Variants in TAAR5 observed in about 807,000 individuals in gnomAD.
The protein encoded by TAAR5 is trace amine-associated receptor 5.
In TAAR5, 27 loss-of-function variants were observed where a neutral mutation model predicts 21.1. That is an observed-to-expected ratio of 1.28 (90% CI 0.94 to 1.76). The LOEUF (loss-of-function observed/expected upper bound fraction) is 1.76. Among genes scored for constraint, TAAR5 ranks in the 40% most tolerant of loss-of-function variants. The pLI is 0.00. For synonymous variants in TAAR5, 203 were observed against 167.5 expected (o/e 1.21, Z -1.64); for missense variants, 495 against 405.6 (o/e 1.22, Z -1.89).
the TAAR5 span, among the ~76,000 whole-genome samples, chr6:132,607,867 C>G: frequency 6.6e-6 from 1 of 152,130 alleles, no homozygotes. Flanking sequence ...TTCCTGAATT[C>G]CTAGAATGGT....
At chr6:132,596,092 A>T in the TAAR5 span, among the ~76,000 whole-genome samples, 1 of 152,208 alleles carries the variant, frequency 6.6e-6, no homozygotes, top group Non-Finnish European at 1.5e-5. Context: ...ATAATCAAAA[A>T]TATAAAGGAA....
chr6:132,600,180 T>C, the TAAR5 span, among the ~76,000 whole-genome samples: 1 of 152,152 alleles, frequency 6.6e-6, no homozygotes, highest in Non-Finnish European at 1.5e-5. Context: ...CCTCGAGAGT[T>C]TGGAAAAAGT....
chr6:132,599,544 G>C, the TAAR5 span, among the ~76,000 whole-genome samples: 1 of 151,886 alleles, frequency 6.6e-6, no homozygotes, highest in African/African-American at 2.4e-5. Flanking sequence ...GGCCAGGCTG[G>C]TCTCGAACTC....
the TAAR5 span, among the ~76,000 whole-genome samples, chr6:132,606,291 A>C: frequency 6.6e-6 from 1 of 152,216 alleles, no homozygotes; most frequent in Non-Finnish European, 1.5e-5. Flanking sequence ...AAATTAAATA[A>C]ATAAATAAGT....
chr6:132,613,336 T>A, the TAAR5 span, among the ~76,000 whole-genome samples: 1 of 152,250 alleles, frequency 6.6e-6, no homozygotes, highest in Non-Finnish European at 1.5e-5. Flanking sequence ...AAAGTTGACA[T>A]GCAGATCTTT....
At chr6:132,595,445 TC>T in the TAAR5 span, 2 of 152,164 alleles carry the variant, frequency 1.3e-5, no homozygotes, top group Admixed American at 1.3e-4. Context: ...ATCATCTTTG[TC>T]TCATGGGTAC....
chr6:132,602,597 G>A, the TAAR5 span, among the ~76,000 whole-genome samples: 1 of 152,082 alleles, frequency 6.6e-6, no homozygotes, highest in East Asian at 1.9e-4. Context: ...ATCTCCTGCT[G>A]TGTAGCTCAG....
the TAAR5 span, among the ~76,000 whole-genome samples, chr6:132,600,819 G>GGGAGGGAAGGAAGGAA: frequency 0.012 from 909 of 75,230 alleles, 42 homozygotes; most frequent in African/African-American, 0.025. Context: ...GAAGGAAGGA[G>GGGAGGGAAGGAAGGAA]GGAGGGAAGG....
upstream of TAAR5, among the ~76,000 whole-genome samples, chr6:132,592,118 T>A (rs1482910652): frequency 6.6e-6 from 1 of 152,238 alleles, no homozygotes. Flanking sequence ...TACTAAGGTT[T>A]CCTGCTTACC....
At chr6:132,598,609 G>A in the TAAR5 span, among the ~76,000 whole-genome samples, 1 of 152,186 alleles carries the variant, frequency 6.6e-6, no homozygotes, top group East Asian at 1.9e-4. Flanking sequence ...AGGCTGTGCT[G>A]CTGCCAGTAT....
the TAAR5 span, among the ~76,000 whole-genome samples, chr6:132,610,856 A>T: frequency 0.073 from 11,081 of 152,002 alleles, 734 homozygotes; most frequent in African/African-American, 0.17. Flanking sequence ...GGAGGTGTGC[A>T]GGGCTAGATG....
chr6:132,604,687 C>T, the TAAR5 span, among the ~76,000 whole-genome samples: 4 of 152,006 alleles, frequency 2.6e-5, no homozygotes, highest in Non-Finnish European at 4.4e-5. Flanking sequence ...TTGATGTCTT[C>T]GGGAAGAATT....
chr6:132,606,568 T>C, the TAAR5 span, among the ~76,000 whole-genome samples: 1 of 152,174 alleles, frequency 6.6e-6, no homozygotes, highest in Non-Finnish European at 1.5e-5. Context: ...GACTGGATTA[T>C]CCTTTGGTAA....
the TAAR5 span, among the ~76,000 whole-genome samples, chr6:132,615,208 T>G: frequency 6.6e-6 from 1 of 152,178 alleles, no homozygotes; most frequent in South Asian, 2.1e-4. Context: ...ATTTTATATC[T>G]GATTTCATGG....
upstream of TAAR5, among the ~76,000 whole-genome samples, chr6:132,590,210 C>T (rs554081247): frequency 6.6e-6 from 1 of 152,322 alleles, no homozygotes; most frequent in East Asian, 1.9e-4. Context: ...TTAAGAATTA[C>T]ATACATTGAC....
At chr6:132,611,216 G>GA in the TAAR5 span, among the ~76,000 whole-genome samples, 23,404 of 142,840 alleles carry the variant, frequency 0.16, 2,339 homozygotes, top group Middle Eastern at 0.31. Context: ...CTAAAAAAAA[G>GA]AAAAAAAAAA....
chr6:132,597,837 G>A, the TAAR5 span, among the ~76,000 whole-genome samples: 1 of 152,052 alleles, frequency 6.6e-6, no homozygotes, highest in South Asian at 2.1e-4. Flanking sequence ...GTTCTTTAAG[G>A]GAGAAGACGA....
chr6:132,613,504 A>G, the TAAR5 span, among the ~76,000 whole-genome samples: 1 of 152,264 alleles, frequency 6.6e-6, no homozygotes, highest in East Asian at 1.9e-4. Flanking sequence ...AAAGTTACAA[A>G]TGTTCAAATA....
the TAAR5 span, among the ~76,000 whole-genome samples, chr6:132,599,840 T>C: frequency 6.6e-6 from 1 of 152,320 alleles, no homozygotes; most frequent in South Asian, 2.1e-4. Context: ...AATAGTATAT[T>C]TTTATAAATT....
Sources: gnomAD v4.1 joint callset for allele counts (sites outside exome capture counted in the v4.1 genomes callset) on GRCh38, gnomAD v4.1.1 for gene constraint, MANE v1.5 for transcripts, NCBI Gene and HGNC (gene_info 2026-07-23, HGNC 2026-07-21) for gene names.